The following PCCA variants were observed in gnomAD, a reference collection of about 807,000 sequenced individuals.
PCCA encodes the protein propionyl-CoA carboxylase subunit alpha.
Under a neutral mutation model 101.3 loss-of-function variants are expected in PCCA, and 74 were observed. The observed-to-expected ratio is 0.73, with a 90% CI of 0.61 to 0.89. The LOEUF is 0.89. PCCA is among the 40% of genes least tolerant of loss of function. PCCA has a pLI of 0.00. For missense variants in PCCA, 891 were observed against 907.0 expected, an observed-to-expected ratio of 0.98 and a Z score of 0.23; for synonymous variants, 294 against 313.6, an observed-to-expected ratio of 0.94 and a Z score of 0.66.
intron 6 of PCCA, among the ~76,000 whole-genome samples, chr13:100,165,838 A>G (rs2184971): frequency 0.5 from 75,222 of 151,874 alleles, 19,280 homozygotes; most frequent in East Asian, 0.77. Context: ...TTGAGGGTGT[A>G]GCGAGCTATG....
intron 21 of PCCA, among the ~76,000 whole-genome samples, chr13:100,512,345 C>G (rs1167665110): frequency 6.6e-6 from 1 of 152,166 alleles, no homozygotes; most frequent in Non-Finnish European, 1.5e-5. Flanking sequence ...GTTCGGGTCA[C>G]CTTTCCGTCA....
At chr13:100,307,129 G>T in intron 14 of PCCA, 63 bp from the exon 15 acceptor site, 1 of 1,087,238 alleles carries the variant, frequency 9.2e-7, no homozygotes, top group Non-Finnish European at 1.4e-6. Context: ...AATGAAATTG[G>T]TGGTTACAAA....
chr13:100,326,018 G>A (rs979507771), intron 16 of PCCA, among the ~76,000 whole-genome samples: 9 of 152,118 alleles, frequency 5.9e-5, no homozygotes, highest in Admixed American at 1.3e-4. Context: ...GGAAACGATC[G>A]TTGACACTGT....
intron 16 of PCCA, among the ~76,000 whole-genome samples, chr13:100,313,930 C>T (rs145166953): frequency 2.8e-4 from 42 of 152,196 alleles, no homozygotes; most frequent in African/African-American, 9.6e-4. Flanking sequence ...GCTTGTCCCT[C>T]GGAGTCTTTT....
chr13:100,285,579 A>G (rs554045246), intron 12 of PCCA, among the ~76,000 whole-genome samples: 1 of 152,298 alleles, frequency 6.6e-6, no homozygotes, highest in South Asian at 2.1e-4. Flanking sequence ...CATGATGTAA[A>G]TGGCATACTA....
intron 18 of PCCA, among the ~76,000 whole-genome samples, chr13:100,355,524 T>C (rs1022727831): frequency 1.3e-5 from 2 of 152,166 alleles, no homozygotes; most frequent in African/African-American, 4.8e-5. Flanking sequence ...TACAGTGGCA[T>C]TGTACAAGCC....
At chr13:100,494,747 C>A (rs369324295) in intron 21 of PCCA, among the ~76,000 whole-genome samples, 8 of 152,062 alleles carry the variant, frequency 5.3e-5, no homozygotes, top group African/African-American at 1.9e-4. Flanking sequence ...GCCTTATCTA[C>A]TAGTGAAGAC....
chr13:100,140,867 A>T (rs1346419639), intron 4 of PCCA, among the ~76,000 whole-genome samples: 1 of 152,158 alleles, frequency 6.6e-6, no homozygotes, highest in African/African-American at 2.4e-5. Flanking sequence ...CCTGTATACT[A>T]TGTTGTGTAT....
At chr13:100,213,102 T>C (rs2059321545) in intron 7 of PCCA, among the ~76,000 whole-genome samples, 1 of 152,232 alleles carries the variant, frequency 6.6e-6, no homozygotes, top group African/African-American at 2.4e-5. Flanking sequence ...TACTCCATTG[T>C]ATATATGTAC....
intron 7 of PCCA, among the ~76,000 whole-genome samples, chr13:100,215,291 C>T (rs12863689): frequency 0.14 from 21,560 of 152,186 alleles, 1,678 homozygotes; most frequent in Middle Eastern, 0.22. Flanking sequence ...ACCAAGTGCA[C>T]GCAATTTGTC....
chr13:100,486,549 T>C (rs564656438), intron 21 of PCCA, among the ~76,000 whole-genome samples: 15 of 152,172 alleles, frequency 9.9e-5, no homozygotes, highest in Non-Finnish European at 1.8e-4. Flanking sequence ...AAAGATGCAA[T>C]ATGAACTATA....
intron 12 of PCCA, among the ~76,000 whole-genome samples, chr13:100,279,491 T>A (rs1436368966): frequency 6.6e-6 from 1 of 152,174 alleles, no homozygotes; most frequent in Non-Finnish European, 1.5e-5. Context: ...ATTTGTTTTT[T>A]TTTGAGACGG....
At chr13:100,165,226 T>A (rs1217279202) in intron 6 of PCCA, among the ~76,000 whole-genome samples, 1 of 152,174 alleles carries the variant, frequency 6.6e-6, no homozygotes, top group Non-Finnish European at 1.5e-5. Flanking sequence ...AATTCTATGT[T>A]TAACTTTTTG....
At chr13:100,247,212 T>TG (rs2061486184) in intron 8 of PCCA, among the ~76,000 whole-genome samples, 1 of 127,784 alleles carries the variant, frequency 7.8e-6, no homozygotes, top group African/African-American at 3.0e-5. Context: ...CCAGCCTGTG[T>TG]GGGTTTTTTT....
intron 19 of PCCA, among the ~76,000 whole-genome samples, chr13:100,372,996 G>T (rs147292610): frequency 6.6e-6 from 1 of 151,994 alleles, no homozygotes; most frequent in Non-Finnish European, 1.5e-5. Context: ...CACCCACTTC[G>T]GCCTCCCAAA....
intron 5 of PCCA, among the ~76,000 whole-genome samples, chr13:100,155,955 A>G (rs1387902863): frequency 1.3e-5 from 2 of 152,240 alleles, no homozygotes; most frequent in East Asian, 3.8e-4. Context: ...TTGCCAAAAT[A>G]AATATGTAGT....
chr13:100,427,774 G>A (rs1035622171), intron 20 of PCCA, among the ~76,000 whole-genome samples: 2 of 151,748 alleles, frequency 1.3e-5, no homozygotes, highest in Non-Finnish European at 2.9e-5. Flanking sequence ...CTTGTGAAAG[G>A]GGATGGATTT....
At chr13:100,357,705 G>A (rs1387132624) in intron 18 of PCCA, among the ~76,000 whole-genome samples, 3 of 152,210 alleles carry the variant, frequency 2.0e-5, no homozygotes, top group African/African-American at 7.2e-5. Context: ...CTACACCAGT[G>A]AGATGCACAT....
chr13:100,158,696 A>G (rs897243799), intron 6 of PCCA, among the ~76,000 whole-genome samples: 2 of 152,232 alleles, frequency 1.3e-5, no homozygotes, highest in African/African-American at 4.8e-5. Flanking sequence ...GTCCGTATAG[A>G]TGAGAGGTCG....
Sources: allele counts gnomAD v4.1 joint callset (sites outside exome capture counted in the v4.1 genomes callset), GRCh38; gene constraint gnomAD v4.1.1; transcripts MANE v1.5; gene names NCBI Gene and HGNC (gene_info 2026-07-23, HGNC 2026-07-21).